PLCG2: variants seen among roughly 807,000 people sequenced by gnomAD.
The protein encoded by PLCG2 is phospholipase C gamma 2.
PLCG2 carries 69 observed loss-of-function variants against 175.6 expected under a neutral mutation model. That is an observed-to-expected ratio of 0.39 (90% CI 0.32 to 0.48). The LOEUF is 0.48. Among genes scored for constraint, PLCG2 ranks in the 20% least tolerant of loss-of-function variants. PLCG2 has a pLI of 0.91. For synonymous variants in PLCG2, 827 were observed against 624.0 expected (o/e 1.33, Z -4.85); for missense variants, 1,798 against 1,650.9 (o/e 1.09, Z -1.54).
intron 6 of PLCG2, among the ~76,000 whole-genome samples, chr16:81,869,531 G>T (rs1395219306): frequency 6.6e-6 from 1 of 152,168 alleles, no homozygotes; most frequent in Non-Finnish European, 1.5e-5. Context: ...CTTGGACTTG[G>T]AACATCTACC....
At chr16:81,934,838 G>C (rs1910641312) in intron 26 of PLCG2, among the ~76,000 whole-genome samples, 1 of 152,184 alleles carries the variant, frequency 6.6e-6, no homozygotes, top group South Asian at 2.1e-4. Context: ...GCAGAGGAGA[G>C]AGAATGAGAA....
At chr16:81,869,110 C>G (rs930134642) in intron 5 of PLCG2, 104 bp from the exon 6 acceptor site, 70 of 773,316 alleles carry the variant, frequency 9.1e-5, no homozygotes, top group African/African-American at 8.0e-4. Flanking sequence ...GTTGACCAGG[C>G]TCTCTCATAG....
chr16:81,891,949 A>T (rs1207105313), intron 11 of PLCG2, among the ~76,000 whole-genome samples: 1 of 152,238 alleles, frequency 6.6e-6, no homozygotes, highest in East Asian at 1.9e-4. Flanking sequence ...GAATTGACTT[A>T]TAGGGAGTGT....
At chr16:81,888,479 G>A (rs1386893816) in intron 9 of PLCG2, among the ~76,000 whole-genome samples, 1 of 152,160 alleles carries the variant, frequency 6.6e-6, no homozygotes, top group Non-Finnish European at 1.5e-5. Context: ...CACCCGCCTC[G>A]GCCTACCAAA....
Position 81,870,286 on chromosome 16 carries a change from G to A in PLCG2, c.565-566G>A, listed in dbSNP as rs73594830. Among the ~76,000 whole-genome samples, 181 of 152,314 alleles carry A rather than the reference G, an allele frequency of 1.2e-3. 1 individual carries two copies. Among genetic ancestry groups the A allele is most frequent in the African/African-American group, 3.9e-3 (161 of 41,554 alleles). ...GGGAAGCCCTAGGAGCATAGTAGTG[G>A]TTCTCCCATTTTACAGGTAAAGAAA... On this transcript the variant is annotated intron_variant, in intron 6 of 32. Transcript: ENST00000564138.
At chr16:81,895,700 T>G (rs1597114944) in intron 12 of PLCG2, 107 bp from the exon 13 acceptor site, 2 of 1,227,028 alleles carry the variant, frequency 1.6e-6, no homozygotes. Flanking sequence ...ATGGAGGGAG[T>G]GTGGGTGTCC....
At chr16:81,778,528 A>G (rs911479581), upstream of PLCG2, among the ~76,000 whole-genome samples, 3 of 152,224 alleles carry the variant, frequency 2.0e-5, no homozygotes, top group African/African-American at 7.2e-5. Context: ...CAACACACGA[A>G]CGGAAAAATA....
intron 14 of PLCG2, among the ~76,000 whole-genome samples, chr16:81,904,135 AGAG>A (rs1342860576): frequency 6.6e-6 from 1 of 152,220 alleles, no homozygotes; most frequent in East Asian, 1.9e-4. Context: ...GTCTGCCCTC[AGAG>A]CCTGTTTTCC....
At chr16:81,841,552 T>A (rs13335344) in intron 2 of PLCG2, among the ~76,000 whole-genome samples, 1 of 152,132 alleles carries the variant, frequency 6.6e-6, no homozygotes, top group Non-Finnish European at 1.5e-5. Context: ...TAAACTTTAC[T>A]TTTTGCAAAG....
In PLCG2 at chr16:81,891,669, C is replaced by A. The variant is rs186580496; in HGVS notation, c.986+79C>A. On this transcript the variant is annotated intron_variant, in intron 11 of 32. Coordinates refer to ENST00000564138, the MANE Select transcript of PLCG2 (RefSeq NM_002661.5). ...TGAGGCAGGGGTCCGATACGCCGCTCCGGTGAGCCCTGTTGTGAAGCAGGT... is the reference window on the plus strand; with the variant it reads ...TGAGGCAGGGGTCCGATACGCCGCTACGGTGAGCCCTGTTGTGAAGCAGGT... The A allele has an allele frequency of 3.7e-6, 3 of 802,434 alleles. No individual in the cohort carries two copies. The Admixed American group carries it at 5.3e-5, about 14-fold the overall frequency. 49.7% of individuals were successfully genotyped at this position (802,434 alleles called of 1,614,324 possible).
chr16:81,945,783 C>G (rs1009893787), intron 30 of PLCG2, among the ~76,000 whole-genome samples: 4 of 152,150 alleles, frequency 2.6e-5, no homozygotes, highest in African/African-American at 4.8e-5. Flanking sequence ...TGGTCCTGTG[C>G]TTTGTAAGGC....
intron 31 of PLCG2, among the ~76,000 whole-genome samples, chr16:81,946,509 G>T (rs140852962): frequency 6.6e-6 from 1 of 152,068 alleles, no homozygotes; most frequent in African/African-American, 2.4e-5. Flanking sequence ...AAAGGGTGCC[G>T]GTACTTGTAA....
chr16:81,939,815 C>G, intron 29 of PLCG2, 77 bp from the exon 30 acceptor site: 2 of 941,388 alleles, frequency 2.1e-6, no homozygotes, highest in Non-Finnish European at 3.4e-6. Context: ...GGATTCACAG[C>G]TGAAGGATGC....
chr16:81,910,340 C>T lies in PLCG2; in HGVS notation c.1734-180C>T, dbSNP rs113426328. Among the ~76,000 whole-genome samples, 12 of 152,334 alleles carry T rather than the reference C, an allele frequency of 7.9e-5. 1 individual carries two copies. Among genetic ancestry groups the T allele is most frequent in the African/African-American group, 2.2e-4 (9 of 41,580 alleles). On this transcript the variant is annotated intron_variant, in intron 17 of 32. Coordinates refer to ENST00000564138, the MANE Select transcript of PLCG2 (RefSeq NM_002661.5). ...TCCTAATCTCAGGTGATCCACCCGT[C>T]TCGGCCTCCCAAAGTGCTGGGATTA...
chr16:81,883,412 T>TGCCGCCTGTGCTCACCTG, intron 9 of PLCG2, 71 bp downstream of exon 9: 17 of 1,263,126 alleles, frequency 1.3e-5, no homozygotes, highest in Non-Finnish European at 1.8e-5. Context: ...CTCACCCTTC[T>TGCCGCCTGTGCTCACCTG]GCCGCCTGTG....
chr16:81,857,043 C>T (rs1023509574), intron 3 of PLCG2, among the ~76,000 whole-genome samples: 8 of 152,160 alleles, frequency 5.3e-5, no homozygotes, highest in African/African-American at 1.9e-4. Flanking sequence ...CTATTTTAGA[C>T]TTCTGGCCTC....
At chr16:81,739,510 G>T (rs932289841) in intron 1 of PLCG2, 1 of 152,252 alleles carries the variant, frequency 6.6e-6, no homozygotes, top group Non-Finnish European at 1.5e-5. Flanking sequence ...CTGAAGACAG[G>T]CTTTGTGCTG....
At chr16:81,812,695 C>T (rs917776176) in intron 2 of PLCG2, among the ~76,000 whole-genome samples, 2 of 152,092 alleles carry the variant, frequency 1.3e-5, no homozygotes, top group African/African-American at 4.8e-5. Context: ...GAATTAGATC[C>T]CATTTGTTAA....
intron 2 of PLCG2, among the ~76,000 whole-genome samples, chr16:81,837,605 G>T (rs963428050): frequency 3.3e-5 from 5 of 152,006 alleles, no homozygotes; most frequent in Non-Finnish European, 5.9e-5. Flanking sequence ...CTGAACCAAG[G>T]TTGGGAGTGT....
Sources: gnomAD v4.1 joint callset for allele counts (sites outside exome capture counted in the v4.1 genomes callset) on GRCh38, gnomAD v4.1.1 for gene constraint, MANE v1.5 for transcripts, NCBI Gene and HGNC (gene_info 2026-07-23, HGNC 2026-07-21) for gene names.